RAB27B: variants seen among roughly 807,000 people sequenced by gnomAD.
The protein encoded by RAB27B is ras-related protein Rab-27B.
Under a neutral mutation model 24.6 loss-of-function variants are expected in RAB27B, and 15 were observed. The observed-to-expected ratio is 0.61, with a 90% CI of 0.41 to 0.94. RAB27B has a LOEUF of 0.94. Ranked by LOEUF, RAB27B falls within the 40% of genes least tolerant of loss-of-function variation. The probability of loss-of-function intolerance (pLI) is 0.00; values close to 1 mark genes in which losing one functional copy is unlikely to be tolerated. For synonymous variants in RAB27B, 105 were observed against 92.5 expected (o/e 1.14, Z -0.78); for missense variants, 261 against 266.8 (o/e 0.98, Z 0.15).
chr18:54,889,026 A>T (rs1913257461), intron 5 of RAB27B, among the ~76,000 whole-genome samples, 198 bp from the exon 6 acceptor site: 1 of 152,094 alleles, frequency 6.6e-6, no homozygotes, highest in African/African-American at 2.4e-5. Context: ...AACTGGTTGT[A>T]ATCATACTAA....
intron 2 of RAB27B, among the ~76,000 whole-genome samples, chr18:54,800,446 C>T (rs1046260199): frequency 6.6e-6 from 1 of 152,154 alleles, no homozygotes; most frequent in Admixed American, 6.5e-5. Context: ...GGTGCTCTTC[C>T]TCCTCCCCAC....
intron 2 of RAB27B, among the ~76,000 whole-genome samples, chr18:54,747,785 C>T (rs1319096766): frequency 6.6e-6 from 1 of 152,068 alleles, no homozygotes; most frequent in African/African-American, 2.4e-5. Context: ...TTTATGTTCT[C>T]ATAAAGATTT....
At chr18:54,754,259 A>C (rs1254814604) in intron 2 of RAB27B, among the ~76,000 whole-genome samples, 1 of 152,110 alleles carries the variant, frequency 6.6e-6, no homozygotes, top group Non-Finnish European at 1.5e-5. Context: ...TCACCACGTG[A>C]AGAAGGTCCT....
chr18:54,807,102 T>C (rs1909814455), intron 2 of RAB27B, among the ~76,000 whole-genome samples: 1 of 152,130 alleles, frequency 6.6e-6, no homozygotes, highest in Non-Finnish European at 1.5e-5. Flanking sequence ...GGTTTCACCA[T>C]GTTGGCTAGG....
chr18:54,862,316 C>T (rs1912040764), intron 1 of RAB27B, among the ~76,000 whole-genome samples: 1 of 152,112 alleles, frequency 6.6e-6, no homozygotes, highest in South Asian at 2.1e-4. Flanking sequence ...GTGGGGAAAG[C>T]ATATTAAGGA....
At chr18:54,770,508 C>T (rs1223241058) in intron 2 of RAB27B, among the ~76,000 whole-genome samples, 1 of 152,026 alleles carries the variant, frequency 6.6e-6, no homozygotes, top group Non-Finnish European at 1.5e-5. Context: ...AGGGCTCCTA[C>T]TGATTCTACA....
chr18:54,811,151 T>A (rs1325882065), intron 2 of RAB27B, among the ~76,000 whole-genome samples: 2 of 152,024 alleles, frequency 1.3e-5, no homozygotes, highest in East Asian at 3.9e-4. Context: ...AGAAATAAGT[T>A]TCCTAAAGTT....
At chr18:54,851,122 A>G (rs1465723534) in intron 1 of RAB27B, among the ~76,000 whole-genome samples, 1 of 152,178 alleles carries the variant, frequency 6.6e-6, no homozygotes, top group Non-Finnish European at 1.5e-5. Context: ...TTAATATTCT[A>G]TATATATCTA....
At chr18:54,841,168 GT>G (rs1568090955) in intron 1 of RAB27B, among the ~76,000 whole-genome samples, 1 of 20,374 alleles carries the variant, frequency 4.9e-5, no homozygotes, top group African/African-American at 9.1e-5. Context: ...GCGGTGGGGG[GT>G]TTGGTGAGAG....
intron 1 of RAB27B, among the ~76,000 whole-genome samples, chr18:54,842,128 G>T (rs901516293): frequency 6.6e-6 from 1 of 152,198 alleles, no homozygotes; most frequent in African/African-American, 2.4e-5. Flanking sequence ...TCATCACAGG[G>T]AAATTTAGTT....
In RAB27B at chr18:54,811,597, G is replaced by A. The variant is rs933792411; in HGVS notation, c.-19-65970G>A. On this transcript the variant is annotated intron_variant, in intron 2 of 4. Coordinates refer to the RAB27B transcript ENST00000586570. ...ATTTTTACATAAACAGTAGGGCAGA[G>A]GAAGCAATCAGATATGCATTTGTCT... is the stretch of plus-strand genomic sequence containing the variant. Among the ~76,000 whole-genome samples, 4 of 152,278 alleles carry A rather than the reference G, an allele frequency of 2.6e-5. No homozygotes were observed. The East Asian group carries it at 5.8e-4, about 22-fold the overall frequency.
intron 2 of RAB27B, among the ~76,000 whole-genome samples, chr18:54,768,438 T>G (rs1203138216): frequency 1.3e-5 from 2 of 152,178 alleles, no homozygotes; most frequent in African/African-American, 4.8e-5. Flanking sequence ...TTTTTCCTAC[T>G]CTTTATGTAT....
At chr18:54,758,574 G>A (rs529855113) in intron 2 of RAB27B, among the ~76,000 whole-genome samples, 3 of 151,400 alleles carry the variant, frequency 2.0e-5, no homozygotes, top group African/African-American at 4.8e-5. Flanking sequence ...GGCTTTTAAA[G>A]GTTGTGCAGT....
At chr18:54,845,623 C>A (rs1291268881) in intron 1 of RAB27B, among the ~76,000 whole-genome samples, 1 of 151,960 alleles carries the variant, frequency 6.6e-6, no homozygotes, top group East Asian at 1.9e-4. Context: ...CCTGACTGCC[C>A]CCTGGAATAT....
At chr18:54,853,820 C>T (rs1911676939) in intron 1 of RAB27B, among the ~76,000 whole-genome samples, 1 of 152,066 alleles carries the variant, frequency 6.6e-6, no homozygotes, top group Non-Finnish European at 1.5e-5. Flanking sequence ...CAGCCTAGAC[C>T]TTTCATTATC....
chr18:54,850,187 C>T (rs1227514118), intron 1 of RAB27B, among the ~76,000 whole-genome samples: 1 of 151,512 alleles, frequency 6.6e-6, no homozygotes, highest in Non-Finnish European at 1.5e-5. Flanking sequence ...AAACATTTAA[C>T]AGAGTTTGTC....
chr18:54,810,951 T>G (rs1430223004), intron 2 of RAB27B, among the ~76,000 whole-genome samples: 1 of 152,076 alleles, frequency 6.6e-6, no homozygotes, highest in Non-Finnish European at 1.5e-5. Context: ...GGCTTTTGTA[T>G]GAATTCTGTT....
intron 2 of RAB27B, among the ~76,000 whole-genome samples, chr18:54,790,406 C>T (rs2145109760): frequency 6.6e-6 from 1 of 152,238 alleles, no homozygotes; most frequent in East Asian, 1.9e-4. Context: ...TCTCTAGCCA[C>T]TGCCATGACC....
intron 2 of RAB27B, among the ~76,000 whole-genome samples, chr18:54,816,754 G>GT (rs1910133939): frequency 6.6e-6 from 1 of 152,090 alleles, no homozygotes; most frequent in Non-Finnish European, 1.5e-5. Context: ...ATGAGTTGTG[G>GT]TGAGGCTAAG....
Sources: gnomAD v4.1 joint callset for allele counts (sites outside exome capture counted in the v4.1 genomes callset) on GRCh38, gnomAD v4.1.1 for gene constraint, MANE v1.5 for transcripts, NCBI Gene and HGNC (gene_info 2026-07-23, HGNC 2026-07-21) for gene names.